The following PRX variants were observed in gnomAD, a reference collection of about 807,000 sequenced individuals.
PRX encodes periaxin.
PRX carries 24 observed loss-of-function variants against 29.6 expected under a neutral mutation model. The ratio of observed to expected loss-of-function variants is 0.81; its 90% confidence interval spans 0.59 to 1.14. PRX has a LOEUF of 1.14. Among genes scored for constraint, PRX ranks in the 50% most tolerant of loss-of-function variants. The pLI is 0.00. For missense variants in PRX, 1,838 were observed against 1,926.4 expected (o/e 0.95, Z 0.86); for synonymous variants, 772 against 831.7 (o/e 0.93, Z 1.24).
At chr19:40,409,555 C>A (rs1446175623) in intron 1 of PRX, among the ~76,000 whole-genome samples, 2 of 151,796 alleles carry the variant, frequency 1.3e-5, no homozygotes, top group East Asian at 3.9e-4. Flanking sequence ...TTACTACAAC[C>A]TCTGCCTCCT....
At chr19:40,413,637 G>A (rs940844413), upstream of PRX, among the ~76,000 whole-genome samples, 1 of 152,202 alleles carries the variant, frequency 6.6e-6, no homozygotes, top group Non-Finnish European at 1.5e-5. Flanking sequence ...TCGACTTGGA[G>A]AATCAGGACC....
At position 40,397,908 on chromosome 19, in the gene PRX, G is replaced by C. The variant is rs765210929; in HGVS notation, c.444C>G (p.Pro148=). The C allele has an allele frequency of 1.9e-6, 3 of 1,612,676 alleles. No individual in the cohort carries two copies. In the Admixed American group the frequency reaches 5.0e-5, roughly 27 times the overall value. ...CGACGTCAACAGGGGCCAGGTCAGC[G>C]GGGACCCCCAGAGCCCCAGGCACCA... The part of the protein sequence containing the change: ...KKMVPGALGV[P]ADLAPVDVEF... Residue 148 remains proline, a synonymous_variant, in exon 7 of 7, where the codon CCC becomes CCG. Transcript: ENST00000324001.
chr19:40,396,071 G>T lies in PRX; in HGVS notation c.2281C>A (p.Pro761Thr). ...SEIRLPEMQV[P>T]KVPDVHLPKA... ...GGAAGATGCACGTCGGGAACCTTCG[G>T]CACTTGCATTTCCGGCAGCCGAATC... is the stretch of plus-strand genomic sequence containing the variant. The change falls in exon 7 of 7, where the codon CCG becomes ACG. Residue 761 changes from proline to threonine, a missense_variant. Around this residue, in one of 3 missense-constraint regions of PRX, gnomAD observed 1,143 missense variants for 1,193.0 expected, o/e 0.96. Coordinates refer to ENST00000324001, the MANE Select transcript of PRX (RefSeq NM_181882.3). 1 of 1,614,174 alleles carries T rather than the reference G, an allele frequency of 6.2e-7. No homozygotes were observed.
At position 40,397,547 on chromosome 19, in the gene PRX, G is replaced by A; in HGVS notation, c.805C>T (p.His269Tyr). 4 of 1,541,602 alleles carry A rather than the reference G, an allele frequency of 2.6e-6. 1 individual carries two copies. In the South Asian group the frequency reaches 3.6e-5, roughly 14 times the overall value. The change falls in exon 7 of 7, where the codon CAC becomes TAC. Residue 269 changes from histidine to tyrosine, a missense_variant. His to Tyr is a moderately conservative substitution (Grantham distance 83). Around this residue, in one of 3 missense-constraint regions of PRX, gnomAD observed 666 missense variants for 665.0 expected, o/e 1.00. Transcript: ENST00000324001. ...SAEAAGGFAL[H>Y]LPTLGLGAPA... ...GCTCCGAGCCCAAGGGTTGGCAGGT[G>A]GAGGGCAAAGCCACCAGCTGCCTCT... is the stretch of plus-strand genomic sequence containing the variant.
In PRX at chr19:40,393,902, C is replaced by T. The variant is rs567485410; in HGVS notation, c.*64G>A. 7.5e-6 allele frequency: 12 copies of T among 1,599,144 alleles called. No individual in the cohort carries two copies. The East Asian group carries it at 2.7e-4, about 36-fold the overall frequency. On this transcript the variant is annotated 3_prime_UTR_variant, in exon 7 of 7. Transcript: ENST00000324001. ...CTCTTAGGGTTAGTGCTAGTTATCA[C>T]ACACACAACAGCGAGGGGGTAGAGA...
rs557336965 is a variant in PRX, at chr19:40,395,043, C to A, written c.3309G>T (p.Thr1103=). The A allele has an allele frequency of 1.6e-5, 26 of 1,611,634 alleles. No homozygotes were observed. The highest frequency in any genetic ancestry group is 6.7e-5 in the Admixed American group (4 of 60,004). The change falls in exon 7 of 7, where the codon ACG becomes ACT. Residue 1103 remains threonine, a synonymous_variant. Coordinates refer to ENST00000324001, the MANE Select transcript of PRX (RefSeq NM_181882.3). ...CCCTCCCTTCCTCCTGGGCGCCCAG[C>A]GTGACCAGCTCCACCTCGGGGATCT... is the stretch of plus-strand genomic sequence containing the variant. ...QLKIPEVELV[T]LGAQEEGRAE...
intron 1 of PRX, among the ~76,000 whole-genome samples, chr19:40,409,904 T>G (rs1054072296): frequency 6.6e-6 from 1 of 152,146 alleles, no homozygotes; most frequent in Non-Finnish European, 1.5e-5. Context: ...AGGAGACACC[T>G]GAGGCTGGGG....
rs3814289 is a variant in PRX at position 40,397,605 on chromosome 19, G to A, written c.747C>T (p.Pro249=). 64 of 1,541,516 alleles carry A rather than the reference G, an allele frequency of 4.2e-5. No homozygotes were observed. The highest frequency in any genetic ancestry group is 5.4e-5 in the Non-Finnish European group (62 of 1,148,608). ...PRLPGAEVGV[P]QVSAPKAAPS... is the part of the protein sequence containing the mutation. ...GGGCAGCCTTGGGGGCTGAGACCTG[G>A]GGGACACCCACCTCCGCCCCTGGCA... Residue 249 remains proline (P), a synonymous_variant, in exon 7 of 7, where the codon CCC becomes CCT. Coordinates refer to ENST00000324001, the MANE Select transcript of PRX (RefSeq NM_181882.3).
rs761085934 is a variant in PRX, at chr19:40,397,725, G to A, written c.627C>T (p.Ala209=). The change falls in exon 7 of 7, where the codon GCC becomes GCT. Residue 209 remains alanine, a synonymous_variant. Transcript: ENST00000324001. ...AEEAQAARLA[A]AAPPPRKAKV... The stretch of plus-strand genomic sequence containing the variant: ...TGGCTTTCCTGGGGGGAGGAGCGGC[G>A]GCGGCCAGCCGGGCTGCCTGAGCCT... The A allele has an allele frequency of 8.3e-6, 13 of 1,560,604 alleles. No homozygotes were observed. The highest frequency in any genetic ancestry group is 3.5e-5 in the South Asian group (3 of 85,480).
At chr19:40,411,028 G>A (rs901127964) in intron 1 of PRX, among the ~76,000 whole-genome samples, 12 of 152,196 alleles carry the variant, frequency 7.9e-5, no homozygotes, top group African/African-American at 2.9e-4. Context: ...ATTGGGCCCT[G>A]TGCTAGCACC....
At position 40,397,389 on chromosome 19, in the gene PRX, T is replaced by C; in HGVS notation, c.963A>G (p.Val321=). ...CTGCCACATCCAGGGTGGGCACCAC[T>C]ACCGACACAGCCCCTTCCCGGGTCT... ...CLETREGAVS[V]VVPTLDVAAP... The change falls in exon 7 of 7, where the codon GTA becomes GTG. Residue 321 remains valine (V), a synonymous_variant. Transcript: ENST00000324001. 6.2e-7 allele frequency: 1 copy of C among 1,612,474 alleles called. No individual in the cohort carries two copies. Among genetic ancestry groups the C allele is most frequent in the Non-Finnish European group, 8.5e-7 (1 of 1,179,776 alleles).
At chr19:40,399,166 G>C (rs902594051) in intron 5 of PRX, among the ~76,000 whole-genome samples, 1 of 151,952 alleles carries the variant, frequency 6.6e-6, no homozygotes, top group Non-Finnish European at 1.5e-5. Flanking sequence ...TTCTCCTGCG[G>C]CGACTTACTC....
chr19:40,414,479 G>T (rs950801788), upstream of PRX, among the ~76,000 whole-genome samples: 4 of 152,096 alleles, frequency 2.6e-5, no homozygotes, highest in Non-Finnish European at 5.9e-5. Context: ...TCCAACCCCT[G>T]TTCTCCTGGA....
chr19:40,406,134 C>T (rs551311874), intron 4 of PRX, among the ~76,000 whole-genome samples: 1 of 151,524 alleles, frequency 6.6e-6, no homozygotes, highest in East Asian at 2.0e-4. Context: ...GTAATCCCAG[C>T]TACTCGGGAG....
At chr19:40,399,168 G>A (rs1003662079) in intron 5 of PRX, among the ~76,000 whole-genome samples, 1 of 151,856 alleles carries the variant, frequency 6.6e-6, no homozygotes, top group Admixed American at 6.6e-5. Flanking sequence ...CTCCTGCGGC[G>A]ACTTACTCCA....
chr19:40,395,366 G>A lies in PRX; in HGVS notation c.2986C>T (p.Leu996Phe), dbSNP rs1311914136. ...LPALDLSIPQ[L>F]SLDAHLPSGK... ...GAGGGCAGGTGGGCATCCAGGCTGA[G>A]CTGTGGGATGGACAGATCGAGGGCA... The change falls in exon 7 of 7, where the codon CTC becomes TTC. Residue 996 changes from leucine to phenylalanine, a missense_variant. By Grantham distance (22) the Leu-to-Phe change is conservative. Coordinates refer to ENST00000324001, the MANE Select transcript of PRX (RefSeq NM_181882.3). 1.3e-5 allele frequency: 21 copies of A among 1,613,698 alleles called. No individual in the cohort carries two copies. The highest frequency in any genetic ancestry group is 4.5e-5 in the East Asian group (2 of 44,858).
intron 4 of PRX, among the ~76,000 whole-genome samples, chr19:40,407,239 TG>T (rs1422572317): frequency 6.6e-6 from 1 of 151,252 alleles, no homozygotes; most frequent in Non-Finnish European, 1.5e-5. Context: ...TGTGTGTGTG[TG>T]TGTGTGTGTG....
chr19:40,404,559 G>A (rs1210648067), intron 4 of PRX, among the ~76,000 whole-genome samples: 3 of 151,494 alleles, frequency 2.0e-5, no homozygotes, highest in African/African-American at 2.4e-5. Flanking sequence ...GAGCTGGGGC[G>A]GAGACCCTTA....
chr19:40,394,578 G>GC lies in PRX; in HGVS notation c.3773dup (p.Glu1259ArgfsTer4). 1 of 1,608,484 alleles carries GC rather than the reference G, an allele frequency of 6.2e-7. No homozygotes were observed. Among genetic ancestry groups the GC allele is most frequent in the Admixed American group, 1.7e-5 (1 of 59,818 alleles). On this transcript the variant is annotated frameshift_variant, in exon 7 of 7. Coordinates refer to ENST00000324001, the MANE Select transcript of PRX (RefSeq NM_181882.3). LOFTEE classifies it high-confidence loss of function. This position sits in a 1 kb window ranked among gnomAD's most constrained non-coding sequence, Gnocchi z 5.8. ...CTGGGGGCTGCTCCTCAGCACCCTC[G>GC]CCCCCCACCCTAGCTCTGGCCCCCA...
Sources: gnomAD v4.1 joint callset for allele counts (sites outside exome capture counted in the v4.1 genomes callset) on GRCh38, gnomAD v4.1.1 for gene constraint, gnomAD v4.1.1 regional missense constraint, Gnocchi (gnomAD v3.1) non-coding constraint, MANE v1.5 for transcripts, NCBI Gene and HGNC (gene_info 2026-07-23, HGNC 2026-07-21) for gene names.